SLC6A4: variants seen among roughly 807,000 people sequenced by gnomAD.
SLC6A4 encodes the protein solute carrier family 6 member 4.
SLC6A4 carries 22 observed loss-of-function variants against 73.4 expected under a neutral mutation model. That is an observed-to-expected ratio of 0.30 (90% confidence interval 0.21 to 0.43). The LOEUF (loss-of-function observed/expected upper bound fraction) is 0.43. Ranked by LOEUF, SLC6A4 falls within the 20% of genes least tolerant of loss-of-function variation. SLC6A4 has a pLI of 1.00. For missense variants in SLC6A4, 593 were observed against 808.5 expected, an observed-to-expected ratio of 0.73 and a Z score of 3.23; for synonymous variants, 270 against 315.5, an observed-to-expected ratio of 0.86 and a Z score of 1.53.
intron 9 of SLC6A4, 144 bp downstream of exon 9, chr17:30,212,596 C>T: frequency 1.2e-6 from 1 of 827,614 alleles, no homozygotes; most frequent in East Asian, 2.6e-5. Context: ...GTTGCCCAGG[C>T]TGGTCTTGAA....
chr17:30,217,180 T>C lies in SLC6A4; in HGVS notation c.823A>G (p.Lys275Glu), dbSNP rs1597640495. Residue 275 changes from lysine (K) to glutamate (E), a missense_variant, in exon 6 of 15, where the codon AAG (lysine) becomes GAG (glutamate). Lys to Glu is a moderately conservative substitution (Grantham distance 56, BLOSUM62 1). Coordinates refer to ENST00000650711, the MANE Select transcript of SLC6A4 (RefSeq NM_001045.6). ...GCCTTCCTCACCTTGCCAGAGGTCT[T>C]GACGCCTTTCCAGATGCTGAAGTAG... ...VIYFSIWKGV[K>E]TSGKVVWVTA... 1 of 1,613,862 alleles carries C rather than the reference T, an allele frequency of 6.2e-7. No individual in the cohort carries two copies. The highest frequency in any genetic ancestry group is 1.3e-5 in the African/African-American group (1 of 74,914).
rs1481104171 is a variant in SLC6A4, at chr17:30,212,833, T to A, written c.1111A>T (p.Thr371Ser). ...ATGACAAATCCCGAAACGAAGCTCG[T>A]CATGCAGTTCACCACGCTGGTCACC... ...ALVTSVVNCM[T>S]SFVSGFVIFT... The change falls in exon 9 of 15, where the codon ACG (threonine) becomes TCG (serine). Residue 371 changes from threonine to serine, a missense_variant. Thr to Ser is a moderately conservative substitution (Grantham distance 58). Coordinates refer to ENST00000650711, the MANE Select transcript of SLC6A4 (RefSeq NM_001045.6). 6.2e-7 allele frequency: 1 copy of A among 1,614,022 alleles called. No individual in the cohort carries two copies.
chr17:30,198,649 G>A, intron 14 of SLC6A4, 119 bp from the exon 15 acceptor site: 2 of 577,990 alleles, frequency 3.5e-6, no homozygotes, highest in Non-Finnish European at 6.2e-6. Context: ...CTAAGAGCGA[G>A]TTGGAATAGT....
At chr17:30,209,097 G>T in intron 12 of SLC6A4, 46 bp downstream of exon 12, 2 of 1,353,038 alleles carry the variant, frequency 1.5e-6, no homozygotes, top group Non-Finnish European at 2.1e-6. Context: ...TACTGTGCTG[G>T]CTGATGGTGT....
intron 1 of SLC6A4, among the ~76,000 whole-genome samples, chr17:30,226,707 A>G (rs1425912285): frequency 6.6e-6 from 1 of 151,828 alleles, no homozygotes; most frequent in Non-Finnish European, 1.5e-5. Context: ...TCTCAAATAA[A>G]TAAATAAAAA....
chr17:30,225,388 C>T (rs557026336), intron 1 of SLC6A4, among the ~76,000 whole-genome samples: 51 of 152,302 alleles, frequency 3.3e-4, no homozygotes, highest in African/African-American at 1.0e-3. Flanking sequence ...TCTGATTCTG[C>T]AGAGCCCTGG....
chr17:30,215,750 G>C (rs773326376), intron 7 of SLC6A4, 36 bp from the exon 8 acceptor site: 17 of 1,566,248 alleles, frequency 1.1e-5, no homozygotes, highest in Non-Finnish European at 1.4e-5. Context: ...TGGGGTGAGG[G>C]GGAGACACAG....
chr17:30,221,839 G>A lies in SLC6A4; in HGVS notation c.120C>T (p.Ser40=), dbSNP rs145558656. The A allele has an allele frequency of 1.4e-5, 23 of 1,614,092 alleles. No individual in the cohort carries two copies. Among genetic ancestry groups the A allele is most frequent in the East Asian group, 6.7e-5 (3 of 44,888 alleles). The part of the protein sequence containing the change: ...VVPTPGDKVE[S]GQISNGYSAV... ...CTGAGTACCCATTGGATATTTGCCC[G>A]GACTCCACTTTGTCCCCTGGGGTGG... is the stretch of plus-strand genomic sequence containing the variant. The change falls in exon 3 of 15, where the codon TCC becomes TCT. Residue 40 remains serine, a synonymous_variant. Coordinates refer to ENST00000650711, the MANE Select transcript of SLC6A4 (RefSeq NM_001045.6).
rs544975560 is a variant in SLC6A4, at chr17:30,218,837, T to A, written c.438A>T (p.Gly146=). 6.2e-7 allele frequency: 1 copy of A among 1,614,032 alleles called. No individual in the cohort carries two copies. The highest frequency in any genetic ancestry group is 1.3e-5 in the African/African-American group (1 of 74,982). Residue 146 remains glycine, a synonymous_variant, in exon 4 of 15, where the codon GGA becomes GGT. Coordinates refer to ENST00000650711, the MANE Select transcript of SLC6A4 (RefSeq NM_001045.6). ...AGATTTTCCTCCATATTGAAATGCA[T>A]CCATTTCGGTGGTACTGTCCCAGTG... ...ELALGQYHRN[G]CISIWRKICP...
chr17:30,214,451 A>G (rs2143014639), intron 8 of SLC6A4, among the ~76,000 whole-genome samples: 1 of 151,180 alleles, frequency 6.6e-6, no homozygotes, highest in Non-Finnish European at 1.5e-5. Flanking sequence ...AGAAAAGAAA[A>G]GAAAAATTAT....
At chr17:30,216,475 G>A (rs1259301663) in intron 6 of SLC6A4, among the ~76,000 whole-genome samples, 2 of 152,128 alleles carry the variant, frequency 1.3e-5, no homozygotes, top group African/African-American at 4.8e-5. Context: ...CTGTAAGGTT[G>A]AGGGAGTATC....
rs1906543710 is a variant in SLC6A4 at position 30,215,490 on chromosome 17, A to G, written c.1076+121T>C. The G allele has an allele frequency of 3.9e-6, 3 of 778,360 alleles. No homozygotes were observed. The East Asian group carries it at 7.4e-5, about 19-fold the overall frequency. 48.2% of individuals were successfully genotyped at this position (778,360 alleles called of 1,614,324 possible). ...GGGGCCTGCAGCACCCCTGAGGGGC[A>G]GTGGTATCAAGGCCTAAGCCTGGCC... On this transcript the variant is annotated intron_variant, in intron 8 of 14. Coordinates refer to ENST00000650711, the MANE Select transcript of SLC6A4 (RefSeq NM_001045.6).
At chr17:30,207,591 A>G (rs904410607) in intron 13 of SLC6A4, 141 bp downstream of exon 13, 2 of 583,434 alleles carry the variant, frequency 3.4e-6, no homozygotes, top group Non-Finnish European at 3.1e-6. Flanking sequence ...GGGTTTTGCC[A>G]TGTTGGCCGC....
intron 1 of SLC6A4, among the ~76,000 whole-genome samples, chr17:30,233,952 A>G (rs1907192400): frequency 6.6e-6 from 1 of 152,188 alleles, no homozygotes. Flanking sequence ...GGCAGCGGAC[A>G]TCCAGGGTGT....
At chr17:30,220,357 T>G (rs1323234248) in intron 3 of SLC6A4, among the ~76,000 whole-genome samples, 2 of 152,152 alleles carry the variant, frequency 1.3e-5, no homozygotes, top group South Asian at 4.1e-4. Flanking sequence ...ACCCATTCAC[T>G]TTTCCCCACT....
intron 1 of SLC6A4, among the ~76,000 whole-genome samples, chr17:30,227,494 G>A (rs1906964905): frequency 6.6e-6 from 1 of 151,636 alleles, no homozygotes; most frequent in Admixed American, 6.6e-5. Context: ...TGTGTGTGTT[G>A]TTTTTTTAAG....
intron 13 of SLC6A4, 51 bp from the exon 14 acceptor site, chr17:30,203,390 G>A (rs778988277): frequency 4.0e-6 from 6 of 1,485,444 alleles, no homozygotes; most frequent in Non-Finnish European, 4.6e-6. Context: ...TATCCACTCA[G>A]ATAGAGATGT....
rs1390660090 is a variant in SLC6A4, at chr17:30,218,242, T to C, written c.574A>G (p.Thr192Ala). Reference sequence around the variant, plus strand: ...CAGCTGGTCCAGGGCAGCTGGTCCGTGAAGGAGGAGATGAGGTAGTATAGC... The same window carrying C: ...CAGCTGGTCCAGGGCAGCTGGTCCGCGAAGGAGGAGATGAGGTAGTATAGC... ...WALYYLISSFTDQLPWTSCKN... is the reference protein window; with the variant it reads ...WALYYLISSFADQLPWTSCKN... Residue 192 changes from threonine to alanine, a missense_variant, in exon 5 of 15, where the codon ACG becomes GCG. Thr to Ala is a moderately conservative substitution (Grantham distance 58). Transcript: ENST00000650711. The C allele has an allele frequency of 6.2e-7, 1 of 1,613,954 alleles. No individual in the cohort carries two copies. The highest frequency in any genetic ancestry group is 2.2e-5 in the East Asian group (1 of 44,896).
At chr17:30,209,077 A>G (rs1366054138) in intron 12 of SLC6A4, 66 bp downstream of exon 12, 11 of 1,103,328 alleles carry the variant, frequency 1.0e-5, no homozygotes, top group Non-Finnish European at 1.4e-6. Flanking sequence ...TGGTGAAATC[A>G]GCCCTTTGCT....
Sources: allele counts gnomAD v4.1 joint callset (sites outside exome capture counted in the v4.1 genomes callset), GRCh38; gene constraint gnomAD v4.1.1; transcripts MANE v1.5; gene names NCBI Gene and HGNC (gene_info 2026-07-23, HGNC 2026-07-21).